The following CD2AP variants were observed in gnomAD, a reference collection of about 807,000 sequenced individuals.
CD2AP encodes the protein CD2 associated protein, also known as CD2-associated protein.
Under a neutral mutation model 85.1 loss-of-function variants are expected in CD2AP, and 46 were observed. The ratio of observed to expected loss-of-function variants is 0.54; its 90% CI spans 0.43 to 0.69. CD2AP has a LOEUF of 0.69. Among genes scored for constraint, CD2AP ranks in the 30% least tolerant of loss-of-function variants. The pLI is 0.00. For synonymous variants in CD2AP, 255 were observed against 252.9 expected (o/e 1.01, Z -0.08); for missense variants, 769 against 729.5 (o/e 1.05, Z -0.62).
At chr6:47,542,315 G>A (rs1046249454) in intron 3 of CD2AP, among the ~76,000 whole-genome samples, 1 of 152,158 alleles carries the variant, frequency 6.6e-6, no homozygotes, top group African/African-American at 2.4e-5. Context: ...AGACACTCTT[G>A]TGATAATATT....
intron 3 of CD2AP, among the ~76,000 whole-genome samples, chr6:47,541,661 A>T (rs536879584): frequency 1.3e-5 from 2 of 152,230 alleles, no homozygotes; most frequent in East Asian, 3.9e-4. Flanking sequence ...TTTTGTCTTG[A>T]TAAACAATTT....
intron 13 of CD2AP, among the ~76,000 whole-genome samples, chr6:47,601,055 T>A (rs1394181882): frequency 3.3e-5 from 5 of 151,916 alleles, no homozygotes; most frequent in Admixed American, 3.3e-4. Context: ...TTTTTTAAAA[T>A]TTAGGTAAAT....
At chr6:47,556,110 G>A (rs1437879273) in intron 5 of CD2AP, among the ~76,000 whole-genome samples, 1 of 145,666 alleles carries the variant, frequency 6.9e-6, no homozygotes, top group African/African-American at 2.6e-5. Context: ...TACTGAACGT[G>A]CAGGTTTGTT....
At chr6:47,574,292 C>G (rs1768243277) in intron 6 of CD2AP, 41 bp downstream of exon 6, 1 of 1,533,688 alleles carries the variant, frequency 6.5e-7, no homozygotes, top group South Asian at 1.1e-5. Context: ...CACTCATTCT[C>G]TCATTAAGCA....
At chr6:47,542,878 T>A (rs1767253990) in intron 3 of CD2AP, among the ~76,000 whole-genome samples, 1 of 151,846 alleles carries the variant, frequency 6.6e-6, no homozygotes, top group African/African-American at 2.4e-5. Context: ...TGGCTGGGCA[T>A]GGTAGCTCAC....
At chr6:47,501,434 A>G (rs1309061668) in intron 1 of CD2AP, among the ~76,000 whole-genome samples, 1 of 152,184 alleles carries the variant, frequency 6.6e-6, no homozygotes, top group Non-Finnish European at 1.5e-5. Context: ...TTAGTGTCTG[A>G]GAAGTACATA....
At chr6:47,545,958 C>T (rs975012461) in intron 4 of CD2AP, among the ~76,000 whole-genome samples, 1 of 152,124 alleles carries the variant, frequency 6.6e-6, no homozygotes, top group African/African-American at 2.4e-5. Context: ...CTTTACCATT[C>T]CCCAAAAATC....
In CD2AP at chr6:47,577,193, A is replaced by G; in HGVS notation, c.903+90A>G. 4 of 754,692 alleles carry G rather than the reference A, an allele frequency of 5.3e-6. No homozygotes were observed. In the South Asian group the frequency reaches 6.1e-5, roughly 11 times the overall value. 46.7% of individuals were successfully genotyped at this position (754,692 alleles called of 1,614,324 possible). On this transcript the variant is annotated intron_variant, in intron 8 of 17. Coordinates refer to ENST00000359314, the MANE Select transcript of CD2AP (RefSeq NM_012120.3). ...TACATTCACCCTAGAGTGTTCTTAT[A>G]TTCACCCTGGAATCTAGAAGAGCTG...
At chr6:47,486,386 T>C (rs1242840106) in intron 1 of CD2AP, among the ~76,000 whole-genome samples, 1 of 152,128 alleles carries the variant, frequency 6.6e-6, no homozygotes, top group African/African-American at 2.4e-5. Flanking sequence ...GACAACATAA[T>C]AACAATGAAA....
chr6:47,483,832 A>G (rs1428211879), intron 1 of CD2AP, among the ~76,000 whole-genome samples: 4 of 125,198 alleles, frequency 3.2e-5, no homozygotes, highest in Non-Finnish European at 6.6e-5. Flanking sequence ...TTTTTCACCT[A>G]GGTTCCTTTT....
chr6:47,570,026 C>T (rs952018512), intron 5 of CD2AP, among the ~76,000 whole-genome samples: 1 of 152,100 alleles, frequency 6.6e-6, no homozygotes, highest in Non-Finnish European at 1.5e-5. Context: ...GTTAAAACAC[C>T]CGCACCCACA....
intron 17 of CD2AP, among the ~76,000 whole-genome samples, chr6:47,621,607 C>G (rs755926689): frequency 1.4e-4 from 21 of 152,218 alleles, no homozygotes; most frequent in Middle Eastern, 3.4e-3. Flanking sequence ...GGAATAGTGT[C>G]GAAAGGATTG....
Position 47,556,961 on chromosome 6 carries a change from T to G in CD2AP, c.541+2195T>G, listed in dbSNP as rs189625498. Among the ~76,000 whole-genome samples the G allele has an allele frequency of 2.0e-5, 3 of 152,300 alleles. No individual in the cohort carries two copies. In the East Asian group the frequency reaches 5.8e-4, roughly 29 times the overall value. ...CGTGAACAGTGTACAGGTGTTCCCATTTCTCCACATCCTCTCCAGCATCTG... is the reference window on the plus strand; with the variant it reads ...CGTGAACAGTGTACAGGTGTTCCCAGTTCTCCACATCCTCTCCAGCATCTG... On this transcript the variant is annotated intron_variant, in intron 5 of 17. Transcript: ENST00000359314.
intron 11 of CD2AP, among the ~76,000 whole-genome samples, chr6:47,583,441 C>G (rs1191083374): frequency 6.6e-6 from 1 of 152,154 alleles, no homozygotes; most frequent in Non-Finnish European, 1.5e-5. Flanking sequence ...TTCCCTTCAA[C>G]CCTTGTCAAC....
chr6:47,520,628 G>T (rs756689277), intron 2 of CD2AP, among the ~76,000 whole-genome samples: 1 of 152,202 alleles, frequency 6.6e-6, no homozygotes, highest in East Asian at 1.9e-4. Context: ...GGCGAAAGTG[G>T]GGTCTATGGT....
chr6:47,554,552 G>A, intron 4 of CD2AP, 94 bp from the exon 5 acceptor site: 3 of 1,244,610 alleles, frequency 2.4e-6, no homozygotes, highest in Non-Finnish European at 3.5e-6. Context: ...TGCTAATTTT[G>A]TGCCTGTTTG....
At chr6:47,527,909 A>G (rs1412658784) in intron 2 of CD2AP, among the ~76,000 whole-genome samples, 1 of 152,166 alleles carries the variant, frequency 6.6e-6, no homozygotes, top group Non-Finnish European at 1.5e-5. Flanking sequence ...GTCTTTACCT[A>G]CATTTGTTTT....
chr6:47,513,892 T>TGGG (rs201405459), intron 2 of CD2AP, among the ~76,000 whole-genome samples: 283 of 141,808 alleles, frequency 2.0e-3, no homozygotes, highest in African/African-American at 6.9e-3. Flanking sequence ...AATTTTTTTT[T>TGGG]GGGGGGGGGG....
intron 5 of CD2AP, among the ~76,000 whole-genome samples, chr6:47,563,192 A>T (rs570540992): frequency 6.6e-6 from 1 of 152,268 alleles, no homozygotes; most frequent in East Asian, 1.9e-4. Flanking sequence ...AGCGTATGTA[A>T]TCCCTATGTA....
Sources: gnomAD v4.1 joint callset for allele counts (sites outside exome capture counted in the v4.1 genomes callset) on GRCh38, gnomAD v4.1.1 for gene constraint, MANE v1.5 for transcripts, NCBI Gene and HGNC (gene_info 2026-07-23, HGNC 2026-07-21) for gene names.